VAV3: variants seen among roughly 807,000 people sequenced by gnomAD.
VAV3 encodes vav guanine nucleotide exchange factor 3.
VAV3 carries 94 observed loss-of-function variants against 131.2 expected under a neutral mutation model. The ratio of observed to expected loss-of-function variants is 0.72; its 90% confidence interval spans 0.61 to 0.85. The LOEUF is 0.85. Among genes scored for constraint, VAV3 ranks in the 40% least tolerant of loss-of-function variants. VAV3 has a pLI of 0.00. For missense variants in VAV3, 939 were observed against 1,002.7 expected (o/e 0.94, Z 0.86); for synonymous variants, 349 against 342.0 (o/e 1.02, Z -0.22).
chr1:107,590,082 G>A (rs936803803), intron 25 of VAV3, among the ~76,000 whole-genome samples: 4 of 152,170 alleles, frequency 2.6e-5, no homozygotes, highest in African/African-American at 9.6e-5. Context: ...CCACACCCAG[G>A]GAGAGACAGC....
chr1:107,908,352 T>C lies in VAV3; in HGVS notation c.205-33335A>G, dbSNP rs1313254874. On this transcript the variant is annotated intron_variant, in intron 1 of 26. Transcript: ENST00000370056. ...GTGGCTGATATCATAGGTGGTGGCTTCCTATGATTCTCTCATTTCTTGATA... is the reference window on the plus strand; with the variant it reads ...GTGGCTGATATCATAGGTGGTGGCTCCCTATGATTCTCTCATTTCTTGATA... 2.0e-5 allele frequency among the ~76,000 whole-genome samples: 3 copies of C among 152,202 alleles called. No individual in the cohort carries two copies. In the East Asian group the frequency reaches 5.8e-4, roughly 29 times the overall value.
At chr1:107,801,985 G>A (rs760548097) in intron 2 of VAV3, among the ~76,000 whole-genome samples, 1 of 151,888 alleles carries the variant, frequency 6.6e-6, no homozygotes, top group Non-Finnish European at 1.5e-5. Context: ...TGGGGTACAT[G>A]TGCAGAACAT....
intron 1 of VAV3, among the ~76,000 whole-genome samples, chr1:107,879,238 C>T (rs913829900): frequency 2.0e-5 from 3 of 152,090 alleles, no homozygotes; most frequent in Non-Finnish European, 4.4e-5. Flanking sequence ...TTCATTTATA[C>T]AATAAATAGT....
intron 1 of VAV3, among the ~76,000 whole-genome samples, chr1:107,880,984 C>G (rs988809456): frequency 2.6e-5 from 4 of 152,066 alleles, no homozygotes; most frequent in African/African-American, 9.7e-5. Flanking sequence ...TAAACACATA[C>G]TGAGGCTTAG....
chr1:107,954,131 C>T (rs1045633489), intron 1 of VAV3, among the ~76,000 whole-genome samples: 1 of 152,138 alleles, frequency 6.6e-6, no homozygotes, highest in Non-Finnish European at 1.5e-5. Flanking sequence ...TCTATGTTAA[C>T]AGAGGATGAA....
intron 17 of VAV3, among the ~76,000 whole-genome samples, chr1:107,701,845 C>G (rs191967382): frequency 8.5e-5 from 13 of 152,244 alleles, no homozygotes; most frequent in East Asian, 1.9e-4. Flanking sequence ...CACCTCAGCC[C>G]GAACTTCATT....
intron 2 of VAV3, among the ~76,000 whole-genome samples, chr1:107,826,304 C>T (rs913131614): frequency 1.3e-5 from 2 of 152,162 alleles, no homozygotes; most frequent in African/African-American, 4.8e-5. Context: ...GATTTGAAAC[C>T]TGTAAGATTG....
At chr1:107,624,156 C>A (rs886188739) in intron 20 of VAV3, among the ~76,000 whole-genome samples, 3 of 152,056 alleles carry the variant, frequency 2.0e-5, no homozygotes, top group Admixed American at 6.5e-5. Context: ...AGAAAAAAAA[C>A]CCACTAAAAG....
intron 15 of VAV3, among the ~76,000 whole-genome samples, chr1:107,746,612 A>T (rs1663362007): frequency 6.6e-6 from 1 of 152,178 alleles, no homozygotes; most frequent in Non-Finnish European, 1.5e-5. Context: ...AAAGAACCTT[A>T]ATTCTTAGCC....
At chr1:107,931,838 G>GACTA (rs753480730) in intron 1 of VAV3, among the ~76,000 whole-genome samples, 1 of 152,140 alleles carries the variant, frequency 6.6e-6, no homozygotes, top group Non-Finnish European at 1.5e-5. Context: ...TTAGCAAAGG[G>GACTA]ACTAACTCTC....
chr1:107,841,330 G>T (rs1160198186), intron 2 of VAV3, among the ~76,000 whole-genome samples: 1 of 152,092 alleles, frequency 6.6e-6, no homozygotes, highest in Non-Finnish European at 1.5e-5. Context: ...AGTATAAATG[G>T]TATATCAGCT....
At chr1:107,810,365 T>A (rs1048263467) in intron 2 of VAV3, among the ~76,000 whole-genome samples, 1 of 152,156 alleles carries the variant, frequency 6.6e-6, no homozygotes, top group African/African-American at 2.4e-5. Flanking sequence ...ACAGGAGTTG[T>A]ATGTTTTCTT....
chr1:107,816,846 T>C (rs1226571927), intron 2 of VAV3, among the ~76,000 whole-genome samples: 1 of 152,232 alleles, frequency 6.6e-6, no homozygotes, highest in Non-Finnish European at 1.5e-5. Context: ...GGTTCAGGGA[T>C]GGTCCCCAAA....
At chr1:107,917,862 G>A (rs1038553633) in intron 1 of VAV3, among the ~76,000 whole-genome samples, 1 of 151,942 alleles carries the variant, frequency 6.6e-6, no homozygotes, top group African/African-American at 2.4e-5. Context: ...TTTCCTTTGA[G>A]CCACATATTG....
intron 1 of VAV3, among the ~76,000 whole-genome samples, chr1:107,892,676 A>T (rs1173064974): frequency 1.3e-5 from 2 of 152,182 alleles, no homozygotes; most frequent in Non-Finnish European, 2.9e-5. Context: ...TAAATTTGCT[A>T]CATCAATATA....
At chr1:107,581,492 A>G (rs1208757735) in intron 25 of VAV3, among the ~76,000 whole-genome samples, 1 of 152,246 alleles carries the variant, frequency 6.6e-6, no homozygotes, top group Admixed American at 6.5e-5. Flanking sequence ...TACTAACATT[A>G]CCTAATATAA....
At chr1:107,904,011 G>A (rs764079714) in intron 1 of VAV3, among the ~76,000 whole-genome samples, 22 of 152,022 alleles carry the variant, frequency 1.4e-4, no homozygotes, top group Non-Finnish European at 3.1e-4. Context: ...CTCTGTCCTT[G>A]GCTTCTTCCT....
chr1:107,586,506 C>T (rs999441931), intron 25 of VAV3, among the ~76,000 whole-genome samples: 1 of 152,092 alleles, frequency 6.6e-6, no homozygotes, highest in Non-Finnish European at 1.5e-5. Flanking sequence ...TGGAAATTAA[C>T]TGTTGAAGAA....
Position 107,618,636 on chromosome 1 carries a change from T to G in VAV3, c.1915-1004A>C, listed in dbSNP as rs72971584. 4.6e-3 allele frequency among the ~76,000 whole-genome samples: 694 copies of G among 152,288 alleles called. 8 individuals are homozygous for G. The highest frequency in any genetic ancestry group is 0.016 in the African/African-American group (661 of 41,562). On this transcript the variant is annotated intron_variant, in intron 20 of 26. Coordinates refer to ENST00000370056, the MANE Select transcript of VAV3 (RefSeq NM_006113.5). Reference sequence around the variant, plus strand: ...ATTTAATCCTTGCTATGATCCTTTATGGTAGGTCCAATTACTATCCCCACA... The same window carrying G: ...ATTTAATCCTTGCTATGATCCTTTAGGGTAGGTCCAATTACTATCCCCACA...
Sources: gnomAD v4.1 joint callset for allele counts (sites outside exome capture counted in the v4.1 genomes callset) on GRCh38, gnomAD v4.1.1 for gene constraint, MANE v1.5 for transcripts, NCBI Gene and HGNC (gene_info 2026-07-23, HGNC 2026-07-21) for gene names.